The following FHIT variants were observed in gnomAD, a reference collection of about 807,000 sequenced individuals.
FHIT encodes fragile histidine triad diadenosine triphosphatase.
FHIT carries 19 observed loss-of-function variants against 17.9 expected under a neutral mutation model. The ratio of observed to expected loss-of-function variants is 1.06; its 90% CI spans 0.74 to 1.56. The LOEUF is 1.56. FHIT is among the 40% of genes most tolerant of loss of function. The pLI, the probability that FHIT is intolerant of heterozygous loss-of-function variation, is 0.00. For synonymous variants in FHIT, 81 were observed against 69.7 expected (o/e 1.16, Z -0.81); for missense variants, 248 against 189.2 (o/e 1.31, Z -1.82).
intron 3 of FHIT, among the ~76,000 whole-genome samples, chr3:61,019,437 CAAT>C (rs2032288201): frequency 1.3e-5 from 2 of 152,176 alleles, no homozygotes; most frequent in South Asian, 2.1e-4. Context: ...AACAGCAAGC[CAAT>C]AATAAGTTTT....
At chr3:60,270,394 G>A (rs887682081) in intron 5 of FHIT, among the ~76,000 whole-genome samples, 5 of 152,088 alleles carry the variant, frequency 3.3e-5, no homozygotes, top group African/African-American at 1.2e-4. Flanking sequence ...CAGTGACATG[G>A]TTCTACCTTT....
intron 4 of FHIT, among the ~76,000 whole-genome samples, chr3:60,751,800 T>C (rs894612372): frequency 6.6e-6 from 1 of 152,146 alleles, no homozygotes. Context: ...GTGAAATTCA[T>C]AAATGTATAT....
rs557743399 is a variant in FHIT at position 60,443,529 on chromosome 3, A to G, written c.103+93331T>C. Among the ~76,000 whole-genome samples, 10 of 152,246 alleles carry G rather than the reference A, an allele frequency of 6.6e-5. No homozygotes were observed. In the South Asian group the frequency reaches 2.1e-3, roughly 32 times the overall value. ...GGCCTTTTCTGCATGTATTGAGATA[A>G]TTATGTGGTTTTTGTCTTTGGTTCT... On this transcript the variant is annotated intron_variant, in intron 5 of 9. Coordinates refer to ENST00000492590, the MANE Select transcript of FHIT (RefSeq NM_002012.4).
At chr3:61,186,180 T>G (rs140027005) in intron 2 of FHIT, among the ~76,000 whole-genome samples, 82 of 152,330 alleles carry the variant, frequency 5.4e-4, no homozygotes, top group African/African-American at 1.9e-3. Context: ...GTTATTTACA[T>G]CACTGGGACT....
intron 8 of FHIT, among the ~76,000 whole-genome samples, chr3:59,809,329 G>T (rs72888514): frequency 2.0e-5 from 3 of 152,212 alleles, no homozygotes; most frequent in African/African-American, 7.2e-5. Flanking sequence ...GAGTGAATCT[G>T]CTGTAAGCCA....
At chr3:60,037,243 T>C (rs959905508) in intron 5 of FHIT, among the ~76,000 whole-genome samples, 1 of 152,168 alleles carries the variant, frequency 6.6e-6, no homozygotes, top group African/African-American at 2.4e-5. Context: ...AGTTGAACCT[T>C]TTCTAAAACA....
intron 5 of FHIT, among the ~76,000 whole-genome samples, chr3:60,173,490 A>C (rs1423441813): frequency 6.6e-6 from 1 of 152,114 alleles, no homozygotes; most frequent in East Asian, 1.9e-4. Context: ...TCAGAGAAAA[A>C]AAGTATGAAC....
chr3:60,853,654 T>C (rs1406278682), intron 3 of FHIT, among the ~76,000 whole-genome samples: 1 of 152,158 alleles, frequency 6.6e-6, no homozygotes, highest in Admixed American at 6.6e-5. Context: ...TTTAGTGCAA[T>C]TCTGCCTTTA....
At chr3:60,676,638 T>C (rs2040626858) in intron 4 of FHIT, among the ~76,000 whole-genome samples, 1 of 152,186 alleles carries the variant, frequency 6.6e-6, no homozygotes, top group South Asian at 2.1e-4. Context: ...ATACAGCTGC[T>C]ACCTGCAGTT....
chr3:60,458,830 G>A (rs2032278874), intron 5 of FHIT, among the ~76,000 whole-genome samples: 1 of 152,096 alleles, frequency 6.6e-6, no homozygotes, highest in Admixed American at 6.6e-5. Context: ...CTGGAGTGCA[G>A]TGGCACAAAT....
intron 2 of FHIT, among the ~76,000 whole-genome samples, chr3:61,141,038 T>C (rs1017516057): frequency 6.6e-6 from 1 of 152,184 alleles, no homozygotes; most frequent in African/African-American, 2.4e-5. Flanking sequence ...AAGTTTCAAG[T>C]TTTACAATTT....
intron 5 of FHIT, among the ~76,000 whole-genome samples, chr3:60,203,012 A>AAC (rs1553711231): frequency 6.6e-6 from 1 of 151,424 alleles, no homozygotes; most frequent in Non-Finnish European, 1.5e-5. Flanking sequence ...TAAAAAAAAA[A>AAC]CCCCAATAGA....
At chr3:60,391,558 C>T (rs751391217) in intron 5 of FHIT, among the ~76,000 whole-genome samples, 2 of 152,150 alleles carry the variant, frequency 1.3e-5, no homozygotes, top group Non-Finnish European at 2.9e-5. Context: ...ACAGGTCTAC[C>T]ATTTTTTACT....
chr3:60,318,029 T>G (rs910761083), intron 5 of FHIT, among the ~76,000 whole-genome samples: 2 of 152,154 alleles, frequency 1.3e-5, no homozygotes, highest in East Asian at 1.9e-4. Context: ...TCACCTCAAG[T>G]GATCCACCTG....
intron 3 of FHIT, among the ~76,000 whole-genome samples, chr3:60,822,715 G>C (rs1419042516): frequency 6.6e-6 from 1 of 151,982 alleles, no homozygotes; most frequent in Non-Finnish European, 1.5e-5. Context: ...AAAGTACCAA[G>C]TACAGTTTCT....
chr3:60,966,567 C>G (rs570543578), intron 3 of FHIT, among the ~76,000 whole-genome samples: 2 of 152,186 alleles, frequency 1.3e-5, no homozygotes, highest in Non-Finnish European at 2.9e-5. Flanking sequence ...ATCTTGGAAC[C>G]TCCTCCCATG....
At chr3:60,320,515 G>T (rs1322136615) in intron 5 of FHIT, among the ~76,000 whole-genome samples, 1 of 152,128 alleles carries the variant, frequency 6.6e-6, no homozygotes, top group East Asian at 1.9e-4. Context: ...TAAACATAAT[G>T]CATCTTACTC....
rs577701215 is a variant in FHIT at position 60,496,851 on chromosome 3, C to T, written c.103+40009G>A. 7.9e-5 allele frequency among the ~76,000 whole-genome samples: 12 copies of T among 151,806 alleles called. No individual in the cohort carries two copies. In the East Asian group the frequency reaches 1.2e-3, roughly 15 times the overall value. Reference sequence around the variant, plus strand: ...TGTAGCTGTATCTCAAAAACAATGCCGAGTAAAAGAAACTGATTATGTACA... The same window carrying T: ...TGTAGCTGTATCTCAAAAACAATGCTGAGTAAAAGAAACTGATTATGTACA... On this transcript the variant is annotated intron_variant, in intron 5 of 9. Coordinates refer to ENST00000492590, the MANE Select transcript of FHIT (RefSeq NM_002012.4).
At chr3:61,029,076 G>A (rs562474110) in intron 3 of FHIT, among the ~76,000 whole-genome samples, 2 of 151,990 alleles carry the variant, frequency 1.3e-5, no homozygotes, top group African/African-American at 2.4e-5. Context: ...TGAGAAAAAC[G>A]AAACAAAATC....
Sources: gnomAD v4.1 joint callset for allele counts (sites outside exome capture counted in the v4.1 genomes callset) on GRCh38, gnomAD v4.1.1 for gene constraint, MANE v1.5 for transcripts, NCBI Gene and HGNC (gene_info 2026-07-23, HGNC 2026-07-21) for gene names.